The following VWA8 variants were observed in gnomAD, a reference collection of about 807,000 sequenced individuals.
VWA8 encodes von Willebrand factor A domain containing 8, also known as von Willebrand factor A domain-containing protein 8.
In VWA8, 221 loss-of-function variants were observed where a neutral mutation model predicts 241.5. The ratio of observed to expected loss-of-function variants is 0.91; its 90% CI spans 0.82 to 1.02. The LOEUF (loss-of-function observed/expected upper bound fraction) is 1.02. Among genes scored for constraint, VWA8 ranks in the 50% least tolerant of loss-of-function variants. VWA8 has a pLI of 0.00. For missense variants in VWA8, 2,322 were observed against 2,328.7 expected (o/e 1.00, Z 0.06); for synonymous variants, 852 against 827.1 (o/e 1.03, Z -0.52).
intron 29 of VWA8, among the ~76,000 whole-genome samples, chr13:41,694,597 T>G (rs549595005): frequency 1.3e-3 from 196 of 152,248 alleles, no homozygotes; most frequent in Non-Finnish European, 2.5e-3. Flanking sequence ...TATTCTAGAT[T>G]AAATATTTTT....
At position 41,590,655 on chromosome 13, in the gene VWA8, AC is replaced by A. The variant is rs748437312; in HGVS notation, c.5096del (p.Gly1699ValfsTer21). 6.5e-5 allele frequency: 105 copies of A among 1,613,800 alleles called. No individual in the cohort carries two copies. The South Asian group carries it at 9.7e-4, about 15-fold the overall frequency. On this transcript the variant is annotated frameshift_variant, in exon 41 of 45. Coordinates refer to ENST00000379310, the MANE Select transcript of VWA8 (RefSeq NM_015058.2). LOFTEE classifies it high-confidence loss of function. ...CATGACTTACTTGTGGCTCCAGCTC[AC>A]CCCGACGTTTGTAGATGGCTTTTTC... The part of the protein sequence containing the change: ...TGEKAIYKRR[G>X]ELEPQLGSPQ...
intron 1 of VWA8, among the ~76,000 whole-genome samples, chr13:41,952,899 T>C (rs1878199455): frequency 6.6e-6 from 1 of 152,062 alleles, no homozygotes; most frequent in Non-Finnish European, 1.5e-5. Flanking sequence ...ATCCTAGGAC[T>C]AGCAATAACA....
At chr13:41,881,585 T>C (rs1874194417) in intron 9 of VWA8, among the ~76,000 whole-genome samples, 1 of 149,094 alleles carries the variant, frequency 6.7e-6, no homozygotes, top group Non-Finnish European at 1.5e-5. Context: ...TGGGTACACC[T>C]CCCAGACGGG....
At chr13:41,791,611 G>A (rs1284805179) in intron 17 of VWA8, among the ~76,000 whole-genome samples, 2 of 151,700 alleles carry the variant, frequency 1.3e-5, no homozygotes, top group African/African-American at 2.4e-5. Context: ...ATATTGTACT[G>A]TTTATCACAT....
chr13:41,819,371 G>T lies in VWA8; in HGVS notation c.1716C>A (p.Ile572=). 6.3e-7 allele frequency: 1 copy of T among 1,599,136 alleles called. No homozygotes were observed. The highest frequency in any genetic ancestry group is 1.4e-5 in the African/African-American group (1 of 73,750). Residue 572 remains isoleucine, a synonymous_variant, in exon 15 of 45, where the codon ATC becomes ATA. Transcript: ENST00000379310. ...EQLQKRSIFP[I]HPSFRIIALA... ...AGGCAATGATTCTGAAGGAGGGATG[G>T]ATAGGAAAAATGGATCTAAAATAGG...
At chr13:41,691,526 A>G (rs2045177517) in intron 31 of VWA8, 81 bp from the exon 32 acceptor site, 1 of 1,493,488 alleles carries the variant, frequency 6.7e-7, no homozygotes, top group Non-Finnish European at 9.0e-7. Flanking sequence ...TTCATGATAC[A>G]TTATGCAACC....
At chr13:41,612,116 T>C (rs1337671264) in intron 38 of VWA8, among the ~76,000 whole-genome samples, 2 of 152,164 alleles carry the variant, frequency 1.3e-5, no homozygotes, top group South Asian at 2.1e-4. Context: ...TTGAATATCA[T>C]AGATACTTAG....
chr13:41,615,365 G>A (rs774894199), intron 37 of VWA8, among the ~76,000 whole-genome samples: 1 of 152,192 alleles, frequency 6.6e-6, no homozygotes, highest in Non-Finnish European at 1.5e-5. Context: ...AAACCAAGCT[G>A]TGAGCATTTA....
At chr13:41,917,306 G>GA (rs1010112145) in intron 2 of VWA8, among the ~76,000 whole-genome samples, 12 of 147,882 alleles carry the variant, frequency 8.1e-5, no homozygotes, top group Admixed American at 2.7e-4. Context: ...TATAATGGAG[G>GA]AAAAAAAAAA....
At chr13:41,719,423 A>G (rs1479848566) in intron 26 of VWA8, 168 bp downstream of exon 26, 1 of 1,450,054 alleles carries the variant, frequency 6.9e-7, no homozygotes, top group African/African-American at 1.4e-5. Flanking sequence ...CAGGCCTATA[A>G]ATAATGCTAT....
chr13:41,907,084 C>T (rs895831067), intron 4 of VWA8, among the ~76,000 whole-genome samples: 10 of 151,848 alleles, frequency 6.6e-5, no homozygotes, highest in African/African-American at 2.2e-4. Flanking sequence ...AAGTGTAAAA[C>T]AAGTTTCATT....
At chr13:41,910,755 A>T (rs947335229) in intron 3 of VWA8, among the ~76,000 whole-genome samples, 6 of 152,184 alleles carry the variant, frequency 3.9e-5, no homozygotes, top group African/African-American at 1.4e-4. Flanking sequence ...TAAATAAAAG[A>T]TAAATGAGCT....
At chr13:41,866,416 T>G (rs1283235428) in intron 10 of VWA8, among the ~76,000 whole-genome samples, 1 of 151,774 alleles carries the variant, frequency 6.6e-6, no homozygotes, top group Non-Finnish European at 1.5e-5. Flanking sequence ...TATGTGTGTG[T>G]GTGTGTGTAA....
At chr13:41,717,490 G>A (rs2045355181) in intron 26 of VWA8, among the ~76,000 whole-genome samples, 2 of 151,884 alleles carry the variant, frequency 1.3e-5, no homozygotes, top group African/African-American at 4.8e-5. Flanking sequence ...GCTGATCCAG[G>A]TAGACAGGTG....
chr13:41,774,510 C>T (rs1006371774), intron 20 of VWA8, among the ~76,000 whole-genome samples: 3 of 152,166 alleles, frequency 2.0e-5, no homozygotes, highest in Non-Finnish European at 2.9e-5. Context: ...TGAATGTCTA[C>T]GGTATGCAAG....
rs191933326 is a variant in VWA8, at chr13:41,749,833, T to C, written c.2426+11295A>G. Among the ~76,000 whole-genome samples the C allele has an allele frequency of 4.9e-3, 673 of 137,402 alleles. 3 individuals are homozygous for C. The highest frequency in any genetic ancestry group is 8.3e-3 in the Non-Finnish European group (552 of 66,296). 90.1% of individuals were successfully genotyped at this position (137,402 alleles called of 152,430 possible). On this transcript the variant is annotated intron_variant, in intron 21 of 44. Coordinates refer to ENST00000379310, the MANE Select transcript of VWA8 (RefSeq NM_015058.2). ...GGTGGGAATTGAGTAATGAGAACAC[T>C]TGGACACAGGAAGGGGAACATCACA... is the stretch of plus-strand genomic sequence containing the variant.
chr13:41,610,319 A>G (rs949242778), intron 39 of VWA8, among the ~76,000 whole-genome samples: 1 of 152,186 alleles, frequency 6.6e-6, no homozygotes, highest in African/African-American at 2.4e-5. Context: ...CATTCCTAAC[A>G]TAGTTACCTG....
At chr13:41,859,416 C>T (rs1872908587) in intron 12 of VWA8, among the ~76,000 whole-genome samples, 1 of 152,118 alleles carries the variant, frequency 6.6e-6, no homozygotes, top group South Asian at 2.1e-4. Context: ...ACTAAGATTT[C>T]AACATATTTT....
intron 2 of VWA8, among the ~76,000 whole-genome samples, chr13:41,934,950 T>C (rs1382147388): frequency 6.6e-6 from 1 of 152,140 alleles, no homozygotes; most frequent in Non-Finnish European, 1.5e-5. Context: ...ACATATATTA[T>C]TAATAGTGTC....
Sources: allele counts gnomAD v4.1 joint callset (sites outside exome capture counted in the v4.1 genomes callset), GRCh38; gene constraint gnomAD v4.1.1; transcripts MANE v1.5; gene names NCBI Gene and HGNC (gene_info 2026-07-23, HGNC 2026-07-21).